The following PRDM16 variants were observed in gnomAD, a reference collection of about 807,000 sequenced individuals.
The protein encoded by PRDM16 is histone-lysine N-methyltransferase PRDM16.
A neutral mutation model predicts 110.6 loss-of-function variants in PRDM16; 23 were observed. The observed-to-expected ratio is 0.21, with a 90% CI of 0.15 to 0.29. The LOEUF is 0.29. Among genes scored for constraint, PRDM16 ranks in the 10% least tolerant of loss-of-function variants. PRDM16 has a pLI of 1.00. For missense variants in PRDM16, 1,615 were observed against 1,794.3 expected (o/e 0.90, Z 1.81); for synonymous variants, 799 against 781.8 (o/e 1.02, Z -0.37).
rs374254884 is a variant in PRDM16, at chr1:3,411,916, G to A, written c.1719G>A (p.Ala573=). The change falls in exon 9 of 17, where the codon GCG becomes GCA. Residue 573 remains alanine (A), a synonymous_variant. Coordinates refer to ENST00000270722, the MANE Select transcript of PRDM16 (RefSeq NM_022114.4). ...SNSSQGTTAA[A]GPEEKFESRL... is the part of the protein sequence containing the mutation. ...GCAGCCAGGGCACGACGGCAGCTGC[G>A]GGGCCCGAGGAGAAGTTCGAGAGCC... is the stretch of plus-strand genomic sequence containing the variant. The A allele has an allele frequency of 2.9e-4, 467 of 1,613,584 alleles. No homozygotes were observed. The highest frequency in any genetic ancestry group is 3.6e-4 in the Non-Finnish European group (425 of 1,179,874).
intron 2 of PRDM16, among the ~76,000 whole-genome samples, chr1:3,234,138 C>T (rs1012660338): frequency 2.0e-5 from 3 of 152,136 alleles, no homozygotes; most frequent in Non-Finnish European, 2.9e-5. Flanking sequence ...TCTTGGAACC[C>T]GGGCATGGGA....
At chr1:3,140,388 G>T (rs567435565) in intron 1 of PRDM16, among the ~76,000 whole-genome samples, 129 of 152,250 alleles carry the variant, frequency 8.5e-4, no homozygotes, top group Middle Eastern at 6.8e-3. Context: ...CAGGATGAGC[G>T]CAGAGGCCTT....
intron 2 of PRDM16, among the ~76,000 whole-genome samples, chr1:3,227,315 C>T (rs537128366): frequency 6.6e-6 from 1 of 152,252 alleles, no homozygotes; most frequent in African/African-American, 2.4e-5. Context: ...TATGAAAGAG[C>T]CTTTGGCCAA....
In PRDM16 at chr1:3,201,040, C is replaced by G. The variant is rs190556915; in HGVS notation, c.387+14566C>G. 6.6e-6 allele frequency among the ~76,000 whole-genome samples: 1 copy of G among 152,190 alleles called. No homozygotes were observed. Among genetic ancestry groups the G allele is most frequent in the Admixed American group, 6.5e-5 (1 of 15,302 alleles). On this transcript the variant is annotated intron_variant, in intron 2 of 16. Coordinates refer to ENST00000270722, the MANE Select transcript of PRDM16 (RefSeq NM_022114.4). The surrounding 1 kb of genome is among the most constrained non-coding windows in gnomAD (Gnocchi z 4.1). Reference sequence around the variant, plus strand: ...CTGAGAGCTGTGAGTCCAGGGTCAACCCTTAGCCGGAGTGGGGACTCCGGG... The same window carrying G: ...CTGAGAGCTGTGAGTCCAGGGTCAAGCCTTAGCCGGAGTGGGGACTCCGGG...
chr1:3,169,931 G>A (rs895624108), intron 1 of PRDM16, among the ~76,000 whole-genome samples: 4 of 152,260 alleles, frequency 2.6e-5, no homozygotes, highest in Admixed American at 1.3e-4. Context: ...CGCGGCCCGC[G>A]CGCTCCGAGT....
chr1:3,087,660 G>A (rs2100590776), intron 1 of PRDM16, among the ~76,000 whole-genome samples: 1 of 152,302 alleles, frequency 6.6e-6, no homozygotes, highest in African/African-American at 2.4e-5. Flanking sequence ...ACGTGACCAA[G>A]GAATGCCATG....
chr1:3,079,269 C>A (rs1294337607), intron 1 of PRDM16, among the ~76,000 whole-genome samples: 1 of 152,146 alleles, frequency 6.6e-6, no homozygotes, highest in African/African-American at 2.4e-5. Context: ...GGCCTGAGAG[C>A]CCCTTCCAGC....
intron 3 of PRDM16, among the ~76,000 whole-genome samples, chr1:3,348,101 G>A (rs1642398247): frequency 6.6e-6 from 1 of 152,208 alleles, no homozygotes; most frequent in Non-Finnish European, 1.5e-5. Flanking sequence ...CTGGCAGCAG[G>A]CAGAGTTCTG....
At chr1:3,139,650 C>T (rs893615166) in intron 1 of PRDM16, among the ~76,000 whole-genome samples, 24 of 151,684 alleles carry the variant, frequency 1.6e-4, no homozygotes, top group East Asian at 5.8e-4. Flanking sequence ...CTCCGGGGCC[C>T]GGCTGTGATT....
In PRDM16 at chr1:3,425,820, A is replaced by G; in HGVS notation, c.3109+70A>G. The stretch of plus-strand genomic sequence containing the variant: ...CAGGCCCCACAGAGGGGGAGGGGGA[A>G]CAGCAGGGGAGTGGGCGCCGGGCAG... On this transcript the variant is annotated intron_variant, in intron 13 of 16. Coordinates refer to ENST00000270722, the MANE Select transcript of PRDM16 (RefSeq NM_022114.4). This position sits in a 1 kb window ranked among gnomAD's most constrained non-coding sequence, Gnocchi z 6.9. 1 of 1,578,250 alleles carries G rather than the reference A, an allele frequency of 6.3e-7. No homozygotes were observed. Among genetic ancestry groups the G allele is most frequent in the Non-Finnish European group, 8.7e-7 (1 of 1,155,094 alleles).
intron 3 of PRDM16, among the ~76,000 whole-genome samples, chr1:3,360,139 A>C (rs1204012036): frequency 6.6e-6 from 1 of 152,218 alleles, no homozygotes; most frequent in African/African-American, 2.4e-5. Flanking sequence ...AATGCTGAAC[A>C]TATGTGCAGA....
At chr1:3,215,427 T>TCCTGGGGACAGGCAAGGCCCACG (rs1557534859) in intron 2 of PRDM16, among the ~76,000 whole-genome samples, 26 of 80,210 alleles carry the variant, frequency 3.2e-4, no homozygotes, top group African/African-American at 2.6e-3. Flanking sequence ...CAAGGCCTAT[T>TCCTGGGGACAGGCAAGGCCCACG]GGGGTCCAGG....
At chr1:3,122,029 C>T (rs901046808) in intron 1 of PRDM16, among the ~76,000 whole-genome samples, 6 of 152,232 alleles carry the variant, frequency 3.9e-5, no homozygotes, top group Admixed American at 6.5e-5. Flanking sequence ...AACGCGCACC[C>T]GGCGGAGTAT....
chr1:3,113,737 C>G (rs1490411838), intron 1 of PRDM16, among the ~76,000 whole-genome samples: 1 of 152,206 alleles, frequency 6.6e-6, no homozygotes, highest in Non-Finnish European at 1.5e-5. Flanking sequence ...TGGCCGCGTG[C>G]CCCAGGGCAG....
At chr1:3,278,951 C>T (rs778872730) in intron 3 of PRDM16, among the ~76,000 whole-genome samples, 25 of 152,236 alleles carry the variant, frequency 1.6e-4, no homozygotes, top group Admixed American at 6.5e-4. Flanking sequence ...CCTGGAGATC[C>T]GTGGAGCCAC....
intron 1 of PRDM16, among the ~76,000 whole-genome samples, chr1:3,133,871 C>A (rs901672866): frequency 3.9e-5 from 6 of 152,198 alleles, no homozygotes; most frequent in African/African-American, 1.4e-4. Context: ...TCCCTTCCCC[C>A]AGGAGAAATG....
At position 3,434,149 on chromosome 1, in the gene PRDM16, C is replaced by A. The variant is rs141427616; in HGVS notation, c.*338C>A. The A allele has an allele frequency of 3.0e-6, 1 of 328,462 alleles. No individual in the cohort carries two copies. The highest frequency in any genetic ancestry group is 5.6e-6 in the Non-Finnish European group (1 of 178,748). 20.3% of individuals were successfully genotyped at this position (328,462 alleles called of 1,614,324 possible). A position where few individuals can be genotyped will look rare whatever the true frequency, so the allele number is the denominator to read the frequency against. On this transcript the variant is annotated 3_prime_UTR_variant, in exon 17 of 17. Coordinates refer to ENST00000270722, the MANE Select transcript of PRDM16 (RefSeq NM_022114.4). ...TGAGACAGAAGCTGGTGGCCACTGC[C>A]GGGTGCCCGCGTGGGGTCGCGGAAG...
chr1:3,195,584 C>A (rs1456936496), intron 2 of PRDM16, among the ~76,000 whole-genome samples: 1 of 149,388 alleles, frequency 6.7e-6, no homozygotes, highest in East Asian at 2.1e-4. Context: ...ATCCCACACG[C>A]CCCGCCCCCC....
intron 15 of PRDM16, among the ~76,000 whole-genome samples, 163 bp from the exon 16 acceptor site, chr1:3,431,803 C>T (rs963651873): frequency 1.3e-5 from 2 of 152,254 alleles, no homozygotes; most frequent in Admixed American, 6.5e-5. Flanking sequence ...TGTGCCTTCC[C>T]GTCCAGGCGT....
Sources: gnomAD v4.1 joint callset for allele counts (sites outside exome capture counted in the v4.1 genomes callset) on GRCh38, gnomAD v4.1.1 for gene constraint, Gnocchi (gnomAD v3.1) non-coding constraint, MANE v1.5 for transcripts, NCBI Gene and HGNC (gene_info 2026-07-23, HGNC 2026-07-21) for gene names.